DLG2: variants seen among roughly 807,000 people sequenced by gnomAD.
DLG2 encodes disks large homolog 2.
Under a neutral mutation model 132.5 loss-of-function variants are expected in DLG2, and 45 were observed. The observed-to-expected ratio is 0.34, with a 90% CI of 0.27 to 0.44. DLG2 has a LOEUF of 0.44. DLG2 is among the 20% of genes least tolerant of loss of function. DLG2 has a pLI of 1.00. For missense variants in DLG2, 1,045 were observed against 1,196.9 expected, an observed-to-expected ratio of 0.87 and a Z score of 1.87; for synonymous variants, 424 against 419.6, an observed-to-expected ratio of 1.01 and a Z score of -0.13.
chr11:85,399,532 A>G (rs1225206979), intron 3 of DLG2, among the ~76,000 whole-genome samples: 2 of 152,178 alleles, frequency 1.3e-5, no homozygotes, highest in Non-Finnish European at 2.9e-5. Flanking sequence ...TTCAAACTAT[A>G]CTACAAGGCT....
intron 4 of DLG2, among the ~76,000 whole-genome samples, chr11:85,264,435 C>G (rs1565234940): frequency 6.6e-6 from 1 of 152,078 alleles, no homozygotes; most frequent in Non-Finnish European, 1.5e-5. Flanking sequence ...TTCTTCTCAC[C>G]ATCAAAACAG....
chr11:84,539,178 C>G lies in DLG2; in HGVS notation c.358-4447G>C, dbSNP rs565160878. Among the ~76,000 whole-genome samples the G allele has an allele frequency of 1.4e-3, 219 of 152,254 alleles. 1 individual carries two copies. The highest frequency in any genetic ancestry group is 2.1e-3 in the South Asian group (10 of 4,826). On this transcript the variant is annotated intron_variant, in intron 6 of 27. Transcript: ENST00000376104. ...TAGGTGTTATTCTCTTTATCTTAGA[C>G]TCAGATAATTAGGTATTTTTCTAAG...
At chr11:85,230,997 G>T (rs1362976505) in intron 4 of DLG2, among the ~76,000 whole-genome samples, 4 of 151,840 alleles carry the variant, frequency 2.6e-5, no homozygotes, top group Non-Finnish European at 5.9e-5. Flanking sequence ...GGACTTCCTA[G>T]CTACCAAAAC....
chr11:85,457,456 A>G (rs1352669782), intron 3 of DLG2, among the ~76,000 whole-genome samples: 2 of 152,198 alleles, frequency 1.3e-5, no homozygotes, highest in African/African-American at 2.4e-5. Flanking sequence ...TAATATTGAT[A>G]TATGCCAATT....
rs894199795 is a variant in DLG2, at chr11:83,930,538, C to T, written c.1341-55G>A. The T allele has an allele frequency of 7.9e-6, 12 of 1,515,964 alleles. No homozygotes were observed. In the African/African-American group the frequency reaches 1.4e-4, roughly 17 times the overall value. The allele number at this position is 1,515,964 out of a possible 1,614,324, so 93.9% of individuals were successfully genotyped here. ...GCATGGTTAGTACATACAAGGAACA[C>T]CTGTGCAACCAGTAGCATCTCAGCA... On this transcript the variant is annotated intron_variant, in intron 14 of 27. Transcript: ENST00000376104.
rs34094958 is a variant in DLG2 at position 85,154,135 on chromosome 11, GAAAAAAAA to G, written c.282+413_282+420del. Reference sequence around the variant, plus strand: ...CCCACCCTCCCTCTCTTCTTTTGGAGAAAAAAAAAAAAAAAAAAAAAAAAAACAGTCTC... The same window carrying G: ...CCCACCCTCCCTCTCTTCTTTTGGAGAAAAAAAAAAAAAAAAAACAGTCTC... On this transcript the variant is annotated intron_variant, in intron 5 of 27. Transcript: ENST00000376104. Among the ~76,000 whole-genome samples the G allele has an allele frequency of 8.9e-3, 516 of 57,654 alleles. 7 individuals are homozygous for G. The highest frequency in any genetic ancestry group is 0.031 in the African/African-American group (494 of 16,094). 37.8% of individuals were successfully genotyped at this position (57,654 alleles called of 152,430 possible).
At chr11:84,292,350 T>C (rs1032308639) in intron 7 of DLG2, among the ~76,000 whole-genome samples, 1 of 152,198 alleles carries the variant, frequency 6.6e-6, no homozygotes, top group Non-Finnish European at 1.5e-5. Context: ...GGGAGTTTTA[T>C]GCTAGGTAAG....
intron 6 of DLG2, among the ~76,000 whole-genome samples, chr11:84,560,945 T>G (rs1237935560): frequency 6.6e-6 from 1 of 152,090 alleles, no homozygotes. Flanking sequence ...GCTAGGCACT[T>G]TGGTAGATAC....
intron 6 of DLG2, among the ~76,000 whole-genome samples, chr11:85,097,465 A>G (rs1188823211): frequency 6.6e-6 from 1 of 152,196 alleles, no homozygotes; most frequent in Non-Finnish European, 1.5e-5. Context: ...TATTGAATTA[A>G]TAAAGGAGGG....
chr11:84,331,127 C>T (rs1223837320), intron 7 of DLG2, among the ~76,000 whole-genome samples: 1 of 152,134 alleles, frequency 6.6e-6, no homozygotes, highest in African/African-American at 2.4e-5. Flanking sequence ...CAGCCACAAG[C>T]AAGAGGTTTG....
At chr11:84,731,528 A>C (rs1298139493) in intron 6 of DLG2, among the ~76,000 whole-genome samples, 1 of 152,006 alleles carries the variant, frequency 6.6e-6, no homozygotes, top group Non-Finnish European at 1.5e-5. Flanking sequence ...TTAACTAGAC[A>C]AACGGAAAGG....
chr11:84,502,234 C>T lies in DLG2; in HGVS notation c.519+32336G>A, dbSNP rs370390845. Among the ~76,000 whole-genome samples, 2 of 27,194 alleles carry T rather than the reference C, an allele frequency of 7.4e-5. 1 individual carries two copies. Among genetic ancestry groups the T allele is most frequent in the African/African-American group, 1.4e-3 (2 of 1,426 alleles). The allele number at this position is 27,194 out of a possible 152,430, so 17.8% of individuals were successfully genotyped here. A position where few individuals can be genotyped will look rare whatever the true frequency, so the allele number is the denominator to read the frequency against. ...TCCTTCCTTCCTTCCTTCCTTCCTT[C>T]CTTCCTTCCTTCCTTCCTTCCTTCC... is the stretch of plus-strand genomic sequence containing the variant. On this transcript the variant is annotated intron_variant, in intron 7 of 27. Transcript: ENST00000376104.
chr11:83,582,016 G>A (rs971389091), intron 19 of DLG2, among the ~76,000 whole-genome samples: 27 of 123,878 alleles, frequency 2.2e-4, no homozygotes, highest in African/African-American at 7.7e-4. Flanking sequence ...GAGTGCAATG[G>A]CTCAATCTCA....
At chr11:83,712,905 G>A (rs963091835) in intron 18 of DLG2, among the ~76,000 whole-genome samples, 12 of 151,640 alleles carry the variant, frequency 7.9e-5, no homozygotes, top group African/African-American at 1.2e-4. Flanking sequence ...GCAAATCACC[G>A]TGGCACAAGT....
intron 6 of DLG2, among the ~76,000 whole-genome samples, chr11:84,857,656 T>A (rs926156203): frequency 6.6e-6 from 1 of 152,092 alleles, no homozygotes; most frequent in Non-Finnish European, 1.5e-5. Flanking sequence ...TAGTCCCTAT[T>A]TTAAAAATTA....
chr11:85,032,538 T>C (rs768963828), intron 6 of DLG2, among the ~76,000 whole-genome samples: 5 of 152,180 alleles, frequency 3.3e-5, no homozygotes, highest in Non-Finnish European at 4.4e-5. Context: ...GGATCTATTT[T>C]TTCCTCTTTG....
chr11:84,104,216 C>G (rs1186510997), intron 9 of DLG2, among the ~76,000 whole-genome samples: 1 of 151,982 alleles, frequency 6.6e-6, no homozygotes, highest in Non-Finnish European at 1.5e-5. Flanking sequence ...AAATGTGGTA[C>G]ATATATACCA....
intron 7 of DLG2, among the ~76,000 whole-genome samples, chr11:84,320,877 A>C (rs1243942494): frequency 6.6e-6 from 1 of 152,184 alleles, no homozygotes; most frequent in African/African-American, 2.4e-5. Flanking sequence ...ATTAATTACA[A>C]GTCTAAATTA....
chr11:84,192,374 A>G (rs1341562934), intron 8 of DLG2, among the ~76,000 whole-genome samples: 1 of 152,222 alleles, frequency 6.6e-6, no homozygotes, highest in Non-Finnish European at 1.5e-5. Context: ...AGAAAACTAC[A>G]TGCACGTAAA....
Sources: gnomAD v4.1 joint callset for allele counts (sites outside exome capture counted in the v4.1 genomes callset) on GRCh38, gnomAD v4.1.1 for gene constraint, MANE v1.5 for transcripts, NCBI Gene and HGNC (gene_info 2026-07-23, HGNC 2026-07-21) for gene names.